Variants in MAD1L1 observed in about 807,000 individuals in gnomAD.
The protein encoded by MAD1L1 is mitotic arrest deficient 1 like 1, also known as mitotic spindle assembly checkpoint protein MAD1.
A neutral mutation model predicts 96.9 loss-of-function variants in MAD1L1; 95 were observed. That is an observed-to-expected ratio of 0.98 (90% CI 0.83 to 1.16). The LOEUF (loss-of-function observed/expected upper bound fraction) is 1.16. Ranked by LOEUF, MAD1L1 falls within the 50% of genes most tolerant of loss-of-function variation. The pLI, the probability that MAD1L1 is intolerant of heterozygous loss-of-function variation, is 0.00. For missense variants in MAD1L1, 1,007 were observed against 954.4 expected (o/e 1.06, Z -0.73); for synonymous variants, 473 against 396.6 (o/e 1.19, Z -2.29).
chr7:1,916,375 G>A (rs908786442), intron 17 of MAD1L1, among the ~76,000 whole-genome samples: 2 of 152,226 alleles, frequency 1.3e-5, no homozygotes, highest in African/African-American at 4.8e-5. Context: ...TCCCTCAGCT[G>A]AGGACTGGAT....
At chr7:1,890,662 G>C (rs1299795494) in intron 18 of MAD1L1, among the ~76,000 whole-genome samples, 1 of 152,190 alleles carries the variant, frequency 6.6e-6, no homozygotes, top group Non-Finnish European at 1.5e-5. Flanking sequence ...AGGCTGTGCC[G>C]GCCACTACAG....
rs966317956 is a variant in MAD1L1, at chr7:1,815,859, C to G, written c.*211G>C. The G allele has an allele frequency of 3.1e-5, 17 of 549,428 alleles. No homozygotes were observed. The highest frequency in any genetic ancestry group is 7.5e-4 in the Middle Eastern group (2 of 2,670). 34.0% of individuals were successfully genotyped at this position (549,428 alleles called of 1,614,324 possible). On this transcript the variant is annotated 3_prime_UTR_variant, in exon 19 of 19. Transcript: ENST00000265854. ...AGGCTGGTGGCCGACGCCCACACAC[C>G]AGGCTCCGGGACGCATGGGGTCTGC...
At chr7:1,965,713 G>A (rs1024153321) in intron 15 of MAD1L1, among the ~76,000 whole-genome samples, 2 of 152,150 alleles carry the variant, frequency 1.3e-5, no homozygotes, top group Non-Finnish European at 2.9e-5. Context: ...GGCAGGAGCC[G>A]TGCTCTCTGT....
chr7:2,065,837 T>C (rs927980472), intron 12 of MAD1L1, among the ~76,000 whole-genome samples: 12 of 151,942 alleles, frequency 7.9e-5, no homozygotes, highest in African/African-American at 2.9e-4. Context: ...CAACAAGGGG[T>C]GGGAAGCGGA....
intron 10 of MAD1L1, among the ~76,000 whole-genome samples, chr7:2,198,509 G>A (rs750971182): frequency 6.6e-5 from 10 of 152,354 alleles, no homozygotes; most frequent in South Asian, 2.1e-4. Flanking sequence ...CGCTGGCATC[G>A]CCGGAGCAAG....
intron 11 of MAD1L1, among the ~76,000 whole-genome samples, chr7:2,134,413 T>C (rs1788656588): frequency 6.6e-6 from 1 of 152,244 alleles, no homozygotes; most frequent in African/African-American, 2.4e-5. Flanking sequence ...ACATAGACGA[T>C]CATGTCATCT....
intron 18 of MAD1L1, among the ~76,000 whole-genome samples, chr7:1,895,820 G>T (rs116443799): frequency 2.0e-5 from 3 of 152,218 alleles, no homozygotes; most frequent in African/African-American, 7.2e-5. Context: ...ACATTCACAC[G>T]GGCCTTGGGC....
chr7:1,905,361 A>C (rs12537783), intron 17 of MAD1L1, among the ~76,000 whole-genome samples: 1 of 58,340 alleles, frequency 1.7e-5, no homozygotes, highest in Non-Finnish European at 3.9e-5. Context: ...CATGATTGAT[A>C]AAGCACTGTT....
intron 16 of MAD1L1, among the ~76,000 whole-genome samples, chr7:1,943,385 G>A (rs1449396870): frequency 6.6e-6 from 1 of 152,200 alleles, no homozygotes; most frequent in African/African-American, 2.4e-5. Context: ...CTCAACACAT[G>A]AAGCACTGTC....
chr7:2,011,015 C>T (rs539284349), intron 13 of MAD1L1, among the ~76,000 whole-genome samples: 2 of 151,702 alleles, frequency 1.3e-5, no homozygotes, highest in Non-Finnish European at 2.9e-5. Context: ...AGACGGGAAA[C>T]AGAAAGAAAA....
chr7:2,067,757 C>A (rs1784946943), intron 12 of MAD1L1, among the ~76,000 whole-genome samples: 1 of 152,236 alleles, frequency 6.6e-6, no homozygotes, highest in Non-Finnish European at 1.5e-5. Flanking sequence ...TGGTTCTCCA[C>A]ACACACTTTC....
intron 18 of MAD1L1, among the ~76,000 whole-genome samples, chr7:1,820,872 G>C (rs939278299): frequency 1.4e-4 from 22 of 152,132 alleles, no homozygotes; most frequent in South Asian, 1.2e-3. Flanking sequence ...ACGAGGTCAG[G>C]AGATCAAGAC....
In MAD1L1 at chr7:2,225,213, C is replaced by T. The variant is rs112736454; in HGVS notation, c.291+197G>A. Among the ~76,000 whole-genome samples the T allele has an allele frequency of 3.4e-3, 500 of 146,374 alleles. 3 individuals are homozygous for T. Among genetic ancestry groups the T allele is most frequent in the African/African-American group, 0.012 (444 of 36,198 alleles). ...CAGCCAGCTGGGTTCTCATTTCCTA[C>T]GGCCTGGCAGGTACCGTGCACAGCC... is the stretch of plus-strand genomic sequence containing the variant. On this transcript the variant is annotated intron_variant, in intron 4 of 18. Coordinates refer to ENST00000265854, the MANE Select transcript of MAD1L1 (RefSeq NM_001013836.2).
chr7:1,934,067 GCCA>G, intron 17 of MAD1L1, among the ~76,000 whole-genome samples: 1 of 152,334 alleles, frequency 6.6e-6, no homozygotes, highest in East Asian at 1.9e-4. Context: ...TAAAACAGAG[GCCA>G]CCAACACTGT....
At chr7:1,982,584 G>A (rs895307046) in intron 14 of MAD1L1, among the ~76,000 whole-genome samples, 12 of 152,110 alleles carry the variant, frequency 7.9e-5, no homozygotes, top group African/African-American at 2.7e-4. Context: ...ACTAAATTCC[G>A]ACCGACAGCA....
chr7:2,118,023 G>C (rs888287280), intron 11 of MAD1L1, among the ~76,000 whole-genome samples: 1 of 152,182 alleles, frequency 6.6e-6, no homozygotes, highest in African/African-American at 2.4e-5. Context: ...CCTCAGCATG[G>C]GGCAGGACAG....
At chr7:1,929,702 G>T (rs367715948) in intron 17 of MAD1L1, among the ~76,000 whole-genome samples, 2 of 131,006 alleles carry the variant, frequency 1.5e-5, no homozygotes, top group South Asian at 2.8e-4. Context: ...CTGCAGCCCC[G>T]CTGCCACGTC....
intron 10 of MAD1L1, among the ~76,000 whole-genome samples, chr7:2,165,094 T>G (rs763270096): frequency 6.6e-6 from 1 of 151,998 alleles, no homozygotes; most frequent in South Asian, 2.1e-4. Flanking sequence ...ATCCCAGCTA[T>G]TCTGGAGGTT....
chr7:1,985,822 C>G (rs1781114504), intron 14 of MAD1L1, among the ~76,000 whole-genome samples: 1 of 151,800 alleles, frequency 6.6e-6, no homozygotes, highest in Admixed American at 6.5e-5. Flanking sequence ...CTCTGAGACC[C>G]TCCGGGTCCT....
Sources: gnomAD v4.1 joint callset for allele counts (sites outside exome capture counted in the v4.1 genomes callset) on GRCh38, gnomAD v4.1.1 for gene constraint, MANE v1.5 for transcripts, NCBI Gene and HGNC (gene_info 2026-07-23, HGNC 2026-07-21) for gene names.